The following SPOCK3 variants were observed in gnomAD, a reference collection of about 807,000 sequenced individuals.
SPOCK3 encodes the protein testican-3.
In SPOCK3, 30 loss-of-function variants were observed where a neutral mutation model predicts 56.6. The ratio of observed to expected loss-of-function variants is 0.53; its 90% CI spans 0.40 to 0.72. The LOEUF is 0.72. Among genes scored for constraint, SPOCK3 ranks in the 30% least tolerant of loss-of-function variants. The probability of loss-of-function intolerance (pLI) is 0.00; values close to 1 mark genes in which losing one functional copy is unlikely to be tolerated. For missense variants in SPOCK3, 527 were observed against 530.0 expected (o/e 0.99, Z 0.06); for synonymous variants, 196 against 183.3 (o/e 1.07, Z -0.56).
chr4:166,768,452 G>A (rs1738448568), intron 7 of SPOCK3, among the ~76,000 whole-genome samples: 1 of 152,094 alleles, frequency 6.6e-6, no homozygotes, highest in African/African-American at 2.4e-5. Flanking sequence ...TATGAAGCTA[G>A]TTTGGCTGGA....
chr4:166,957,013 G>T (rs1269675562), intron 4 of SPOCK3, among the ~76,000 whole-genome samples: 1 of 152,168 alleles, frequency 6.6e-6, no homozygotes, highest in Admixed American at 6.5e-5. Flanking sequence ...GAACAACTGG[G>T]GAGGCAGAGA....
chr4:167,081,776 G>C (rs993625958), intron 2 of SPOCK3, among the ~76,000 whole-genome samples: 11 of 152,010 alleles, frequency 7.2e-5, no homozygotes. Flanking sequence ...CAGCTAATAT[G>C]AAATTGTGAA....
At chr4:167,136,895 G>C (rs924203418) in intron 2 of SPOCK3, among the ~76,000 whole-genome samples, 25 of 152,032 alleles carry the variant, frequency 1.6e-4, no homozygotes, top group Admixed American at 3.3e-4. Context: ...GTGCTGAGAA[G>C]ATGGCTTAGT....
intron 7 of SPOCK3, among the ~76,000 whole-genome samples, chr4:166,786,048 A>G (rs1007167684): frequency 2.0e-5 from 3 of 152,144 alleles, no homozygotes; most frequent in African/African-American, 7.2e-5. Context: ...TCAGGTAGCA[A>G]TATTTACTAG....
chr4:167,221,193 T>A (rs1303071069), intron 2 of SPOCK3, among the ~76,000 whole-genome samples: 1 of 147,142 alleles, frequency 6.8e-6, no homozygotes, highest in African/African-American at 2.6e-5. Context: ...AACCCCAGTC[T>A]CTACAAAAAA....
At chr4:166,830,420 G>C (rs1335686507) in intron 6 of SPOCK3, among the ~76,000 whole-genome samples, 2 of 152,014 alleles carry the variant, frequency 1.3e-5, no homozygotes, top group Non-Finnish European at 2.9e-5. Flanking sequence ...ATTCATTAAA[G>C]GAACCATTCT....
intron 7 of SPOCK3, among the ~76,000 whole-genome samples, chr4:166,786,955 A>C (rs190468650): frequency 1.3e-5 from 2 of 152,172 alleles, no homozygotes; most frequent in Non-Finnish European, 2.9e-5. Flanking sequence ...ACATGTTAGC[A>C]TCCTTTCTGC....
At chr4:166,993,140 C>T (rs1436537179) in intron 4 of SPOCK3, among the ~76,000 whole-genome samples, 1 of 152,088 alleles carries the variant, frequency 6.6e-6, no homozygotes, top group Non-Finnish European at 1.5e-5. Flanking sequence ...ATATTGCAAG[C>T]AGAACTGCGA....
intron 2 of SPOCK3, among the ~76,000 whole-genome samples, chr4:167,112,491 T>C (rs1219533003): frequency 6.6e-6 from 1 of 152,114 alleles, no homozygotes; most frequent in African/African-American, 2.4e-5. Flanking sequence ...TTTTCCTAAG[T>C]AAGATCCAGG....
intron 6 of SPOCK3, among the ~76,000 whole-genome samples, chr4:166,871,188 AAAGG>A (rs1332481571): frequency 2.6e-5 from 4 of 152,108 alleles, no homozygotes; most frequent in Non-Finnish European, 5.9e-5. Flanking sequence ...TAAACAAGTA[AAAGG>A]AAGAAAATGA....
intron 2 of SPOCK3, among the ~76,000 whole-genome samples, chr4:167,123,652 C>T (rs141469898): frequency 4.6e-5 from 7 of 151,876 alleles, no homozygotes; most frequent in African/African-American, 7.2e-5. Flanking sequence ...TAACACATGG[C>T]GTGTCTGCAG....
At chr4:166,927,545 A>C (rs1739257820) in intron 4 of SPOCK3, among the ~76,000 whole-genome samples, 2 of 152,158 alleles carry the variant, frequency 1.3e-5, no homozygotes, top group Admixed American at 1.3e-4. Context: ...GAATACACCC[A>C]TAAAGTTGTC....
chr4:167,054,589 A>G (rs1414513819), intron 3 of SPOCK3, among the ~76,000 whole-genome samples: 1 of 152,204 alleles, frequency 6.6e-6, no homozygotes, highest in Non-Finnish European at 1.5e-5. Flanking sequence ...CCAGACCAAT[A>G]TATTGTTGGT....
chr4:166,902,796 A>T (rs1391559421), intron 5 of SPOCK3, among the ~76,000 whole-genome samples: 1 of 151,306 alleles, frequency 6.6e-6, no homozygotes, highest in Non-Finnish European at 1.5e-5. Flanking sequence ...TATTTTAATT[A>T]AATGCTATTT....
intron 6 of SPOCK3, among the ~76,000 whole-genome samples, chr4:166,886,449 G>C (rs982702418): frequency 6.6e-6 from 1 of 151,992 alleles, no homozygotes; most frequent in African/African-American, 2.4e-5. Flanking sequence ...AGAATCTAGG[G>C]TTTAAAACAT....
intron 3 of SPOCK3, among the ~76,000 whole-genome samples, chr4:167,009,649 T>C (rs1395660483): frequency 6.6e-6 from 1 of 151,140 alleles, no homozygotes; most frequent in Non-Finnish European, 1.5e-5. Flanking sequence ...ACAACAAAAA[T>C]AACAAAATAA....
intron 2 of SPOCK3, among the ~76,000 whole-genome samples, chr4:167,093,773 T>C (rs1758912715): frequency 1.3e-5 from 2 of 152,202 alleles, no homozygotes; most frequent in African/African-American, 4.8e-5. Flanking sequence ...TGTGTCTTTA[T>C]AGTAGAACGA....
intron 4 of SPOCK3, among the ~76,000 whole-genome samples, chr4:166,988,930 T>C (rs1242015392): frequency 1.3e-5 from 2 of 152,146 alleles, no homozygotes; most frequent in Admixed American, 1.3e-4. Context: ...ATGATAATCC[T>C]TACCTTATAT....
intron 6 of SPOCK3, among the ~76,000 whole-genome samples, chr4:166,878,511 A>T (rs376734803): frequency 2.2e-5 from 3 of 133,804 alleles, no homozygotes; most frequent in African/African-American, 2.7e-5. Flanking sequence ...GTATATTTTA[A>T]ATGTATAAAA....
Sources: gnomAD v4.1 joint callset for allele counts (sites outside exome capture counted in the v4.1 genomes callset) on GRCh38, gnomAD v4.1.1 for gene constraint, MANE v1.5 for transcripts, NCBI Gene and HGNC (gene_info 2026-07-23, HGNC 2026-07-21) for gene names.